Variants in KLHL1 observed in about 807,000 individuals in gnomAD.
KLHL1 encodes the protein kelch like family member 1, also known as kelch-like protein 1.
In KLHL1, 47 loss-of-function variants were observed where a neutral mutation model predicts 77.7. That is an observed-to-expected ratio of 0.60 (90% CI 0.48 to 0.77). The LOEUF is 0.77. KLHL1 is among the 30% of genes least tolerant of loss of function. The probability of loss-of-function intolerance (pLI) is 0.00; values close to 1 mark genes in which losing one functional copy is unlikely to be tolerated. For missense variants in KLHL1, 925 were observed against 910.8 expected, an observed-to-expected ratio of 1.02 and a Z score of -0.20; for synonymous variants, 360 against 325.2, an observed-to-expected ratio of 1.11 and a Z score of -1.15.
intron 7 of KLHL1, among the ~76,000 whole-genome samples, chr13:69,776,188 T>G (rs572470735): frequency 2.6e-5 from 4 of 152,034 alleles, no homozygotes; most frequent in Non-Finnish European, 5.9e-5. Context: ...AAATAATTGT[T>G]CTTATGGAGA....
At chr13:69,886,927 G>A (rs1367778874) in intron 4 of KLHL1, among the ~76,000 whole-genome samples, 1 of 152,074 alleles carries the variant, frequency 6.6e-6, no homozygotes, top group Non-Finnish European at 1.5e-5. Flanking sequence ...ATGCACCAGA[G>A]GATATAGAAT....
At chr13:70,089,942 A>G (rs1303563373) in intron 1 of KLHL1, among the ~76,000 whole-genome samples, 1 of 152,110 alleles carries the variant, frequency 6.6e-6, no homozygotes, top group Non-Finnish European at 1.5e-5. Context: ...AACCAAAGCT[A>G]GTTATGATAT....
chr13:69,887,093 G>C (rs1229965518), intron 4 of KLHL1, among the ~76,000 whole-genome samples: 1 of 152,098 alleles, frequency 6.6e-6, no homozygotes, highest in African/African-American at 2.4e-5. Flanking sequence ...TAATCTTTGG[G>C]TCTAATGTTT....
chr13:69,940,566 G>A (rs1425891208), intron 3 of KLHL1, among the ~76,000 whole-genome samples: 1 of 151,970 alleles, frequency 6.6e-6, no homozygotes, highest in Non-Finnish European at 1.5e-5. Context: ...ACAAACTTAG[G>A]AGAGCAGAGA....
intron 1 of KLHL1, among the ~76,000 whole-genome samples, chr13:69,995,158 T>C (rs1014398033): frequency 3.3e-5 from 5 of 152,096 alleles, no homozygotes; most frequent in African/African-American, 1.2e-4. Flanking sequence ...AACAACAAAG[T>C]CAAGTAATTA....
chr13:70,058,959 GAGA>G (rs1281106242), intron 1 of KLHL1, among the ~76,000 whole-genome samples: 1 of 152,088 alleles, frequency 6.6e-6, no homozygotes, highest in East Asian at 1.9e-4. Flanking sequence ...ATACAATGGG[GAGA>G]AGACAGTCTT....
chr13:69,855,692 G>A (rs1203750874), intron 5 of KLHL1, among the ~76,000 whole-genome samples: 8 of 151,250 alleles, frequency 5.3e-5, no homozygotes, highest in African/African-American at 1.5e-4. Context: ...CCCTTCCGCC[G>A]TGATTGTAAG....
chr13:69,714,937 C>T (rs954769911), intron 9 of KLHL1, among the ~76,000 whole-genome samples: 1 of 152,026 alleles, frequency 6.6e-6, no homozygotes. Context: ...TTCATTTATT[C>T]GTGCATATTT....
At chr13:70,087,540 A>G (rs1887573804) in intron 1 of KLHL1, among the ~76,000 whole-genome samples, 1 of 145,424 alleles carries the variant, frequency 6.9e-6, no homozygotes, top group South Asian at 2.2e-4. Flanking sequence ...TTTTAAAAGG[A>G]CTTAAAAAAA....
chr13:69,918,384 C>T (rs1233478846), intron 4 of KLHL1, among the ~76,000 whole-genome samples: 2 of 151,802 alleles, frequency 1.3e-5, no homozygotes, highest in Non-Finnish European at 2.9e-5. Context: ...CATATTTTCT[C>T]CCAAAATAGT....
intron 4 of KLHL1, among the ~76,000 whole-genome samples, chr13:69,913,439 G>A (rs1386388464): frequency 6.6e-6 from 1 of 152,174 alleles, no homozygotes; most frequent in South Asian, 2.1e-4. Flanking sequence ...CTCATACGCA[G>A]GCACTTAGGG....
chr13:70,021,666 C>G (rs988001013), intron 1 of KLHL1, among the ~76,000 whole-genome samples: 2 of 152,114 alleles, frequency 1.3e-5, no homozygotes, highest in South Asian at 4.1e-4. Flanking sequence ...ACGTCCTTGC[C>G]AGCATTAGAG....
chr13:69,911,123 C>G (rs1367192237), intron 4 of KLHL1, among the ~76,000 whole-genome samples: 8 of 152,034 alleles, frequency 5.3e-5, no homozygotes, highest in African/African-American at 1.9e-4. Context: ...CTCTCTCTCT[C>G]TTCTGTCTCC....
chr13:69,860,311 T>C (rs942495512), intron 5 of KLHL1, among the ~76,000 whole-genome samples: 2 of 152,008 alleles, frequency 1.3e-5, no homozygotes, highest in Non-Finnish European at 2.9e-5. Context: ...AGTATGAGCA[T>C]GACAAGTATT....
intron 4 of KLHL1, among the ~76,000 whole-genome samples, chr13:69,935,642 T>C (rs895506441): frequency 5.9e-5 from 9 of 152,054 alleles, no homozygotes; most frequent in African/African-American, 1.9e-4. Context: ...AGTATTTCCA[T>C]CAGAGGGAAG....
At chr13:70,027,818 T>C (rs922438225) in intron 1 of KLHL1, among the ~76,000 whole-genome samples, 2 of 152,106 alleles carry the variant, frequency 1.3e-5, no homozygotes, top group South Asian at 2.1e-4. Flanking sequence ...AAGCTGACTA[T>C]AGATAACCTG....
At chr13:69,798,563 A>G (rs1285716464) in intron 6 of KLHL1, among the ~76,000 whole-genome samples, 1 of 152,070 alleles carries the variant, frequency 6.6e-6, no homozygotes, top group Non-Finnish European at 1.5e-5. Context: ...CACAAAAGTT[A>G]TTCAATACTG....
chr13:69,853,572 A>C (rs1005571892), intron 5 of KLHL1, among the ~76,000 whole-genome samples: 2 of 152,070 alleles, frequency 1.3e-5, no homozygotes, highest in South Asian at 2.1e-4. Flanking sequence ...CTTGCATATC[A>C]GTAGAAAGTC....
intron 1 of KLHL1, among the ~76,000 whole-genome samples, chr13:70,046,389 CA>C (rs1268986071): frequency 1.3e-5 from 2 of 152,178 alleles, no homozygotes; most frequent in Non-Finnish European, 2.9e-5. Context: ...GAAGATCAAT[CA>C]AAGGCTAAAA....
Sources: gnomAD v4.1 joint callset for allele counts (sites outside exome capture counted in the v4.1 genomes callset) on GRCh38, gnomAD v4.1.1 for gene constraint, MANE v1.5 for transcripts, NCBI Gene and HGNC (gene_info 2026-07-23, HGNC 2026-07-21) for gene names.